The following IFT74 variants were observed in gnomAD, a reference collection of about 807,000 sequenced individuals.
The protein encoded by IFT74 is intraflagellar transport protein 74 homolog.
A neutral mutation model predicts 96.7 loss-of-function variants in IFT74; 92 were observed. The ratio of observed to expected loss-of-function variants is 0.95; its 90% CI spans 0.80 to 1.13. IFT74 has a LOEUF of 1.13. Among genes scored for constraint, IFT74 ranks in the 50% most tolerant of loss-of-function variants. IFT74 has a pLI of 0.00. For missense variants in IFT74, 811 were observed against 698.2 expected (o/e 1.16, Z -1.82); for synonymous variants, 223 against 213.2 (o/e 1.05, Z -0.40).
chr9:26,999,599 A>G, intron 8 of IFT74: 1 of 1,534,592 alleles, frequency 6.5e-7, no homozygotes, highest in East Asian at 2.3e-5. Context: ...TACTATTTTG[A>G]TTGTAAAAAC....
chr9:26,967,083 T>G (rs1826655403), intron 2 of IFT74, among the ~76,000 whole-genome samples: 1 of 151,918 alleles, frequency 6.6e-6, no homozygotes, highest in Non-Finnish European at 1.5e-5. Flanking sequence ...CTATCCTAGA[T>G]CTTTTATGGT....
In IFT74 at chr9:27,064,745, G is replaced by GT. The variant is rs933519026; in HGVS notation, c.*2018dup. Among the ~76,000 whole-genome samples the GT allele has an allele frequency of 4.4e-4, 67 of 150,900 alleles. No individual in the cohort carries two copies. In the East Asian group the frequency reaches 6.2e-3, roughly 14 times the overall value. ...TTAAATGCCTTTACTTTTTCCTTAG[G>GT]TTTTTTTTTATGATTTCTACTTAAG... On this transcript the variant is annotated 3_prime_UTR_variant, in exon 20 of 20. Transcript: ENST00000380062.
At chr9:27,002,451 C>G (rs938625863) in intron 8 of IFT74, among the ~76,000 whole-genome samples, 1 of 152,198 alleles carries the variant, frequency 6.6e-6, no homozygotes, top group Non-Finnish European at 1.5e-5. Flanking sequence ...GTCTTTAATC[C>G]ATTTTTATTC....
At chr9:27,046,958 T>G (rs1485668070) in intron 14 of IFT74, among the ~76,000 whole-genome samples, 1 of 152,080 alleles carries the variant, frequency 6.6e-6, no homozygotes, top group East Asian at 1.9e-4. Context: ...GTGGATCACG[T>G]GGTTAAGAGA....
intron 17 of IFT74, 100 bp downstream of exon 17, chr9:27,055,872 GATT>G: frequency 2.8e-6 from 2 of 715,290 alleles, no homozygotes; most frequent in Middle Eastern, 4.3e-4. Flanking sequence ...ATTTTAAGTT[GATT>G]ATTTTATATA....
Position 27,048,160 on chromosome 9 carries a change from A to G in IFT74, c.1219A>G (p.Ile407Val). Reference protein sequence around the residue: ...LEHCSRNINRIEQISSITNQE... With the variant: ...LEHCSRNINRVEQISSITNQE... ...TCTGCAAATGCAGAATATAAATCGT[A>G]TAGAACAGATATCCTCTATCACCAA... is the stretch of plus-strand genomic sequence containing the variant. The change falls in exon 16 of 20, where the codon ATA (isoleucine) becomes GTA (valine). Residue 407 changes from isoleucine (I) to valine (V), a missense_variant. Physicochemically the swap from Ile to Val is conservative, Grantham distance 29. Coordinates refer to ENST00000380062, the MANE Select transcript of IFT74 (RefSeq NM_025103.4). 6.3e-7 allele frequency: 1 copy of G among 1,590,026 alleles called. No homozygotes were observed. Among genetic ancestry groups the G allele is most frequent in the East Asian group, 2.3e-5 (1 of 44,386 alleles).
chr9:26,947,368 C>A (rs1563925382), intron 1 of IFT74: 2 of 298,098 alleles, frequency 6.7e-6, no homozygotes, highest in African/African-American at 2.2e-5. Flanking sequence ...CCCTGCTGAG[C>A]AAGAGAGAAA....
intron 2 of IFT74, 113 bp downstream of exon 2, chr9:26,962,200 G>C: frequency 2.1e-6 from 2 of 941,992 alleles, no homozygotes; most frequent in Non-Finnish European, 3.2e-6. Context: ...CCCAGTTTTT[G>C]AGTTTTTGAG....
chr9:26,980,463 A>G, intron 3 of IFT74, 108 bp from the exon 4 acceptor site: 5 of 750,406 alleles, frequency 6.7e-6, no homozygotes, highest in East Asian at 2.6e-5. Flanking sequence ...TGGGGCATTC[A>G]TGAAGACTGT....
Position 27,064,055 on chromosome 9 carries a change from A to G in IFT74, c.*1319A>G, listed in dbSNP as rs187773186. Among the ~76,000 whole-genome samples, 32 of 152,268 alleles carry G rather than the reference A, an allele frequency of 2.1e-4. No individual in the cohort carries two copies. The East Asian group carries it at 5.6e-3, about 27-fold the overall frequency. ...TTTTCTTGACTGCTCATAACCCTTA[A>G]TATGCTAATGTATAATAAGCTCAAG... is the stretch of plus-strand genomic sequence containing the variant. On this transcript the variant is annotated 3_prime_UTR_variant, in exon 20 of 20. Transcript: ENST00000380062.
intron 14 of IFT74, among the ~76,000 whole-genome samples, chr9:27,045,622 T>C (rs1317019843): frequency 2.0e-5 from 3 of 152,208 alleles, no homozygotes; most frequent in African/African-American, 4.8e-5. Flanking sequence ...CTTAAACCTA[T>C]ACATTTATAA....
At chr9:27,019,750 A>G (rs1369645896) in intron 12 of IFT74, among the ~76,000 whole-genome samples, 3 of 151,592 alleles carry the variant, frequency 2.0e-5, no homozygotes, top group African/African-American at 4.8e-5. Context: ...TCCATGTACA[A>G]GTTTTTGTGT....
intron 8 of IFT74, among the ~76,000 whole-genome samples, chr9:26,990,703 T>C (rs1412443753): frequency 6.6e-6 from 1 of 152,214 alleles, no homozygotes; most frequent in Non-Finnish European, 1.5e-5. Context: ...ATAACGTAAT[T>C]GTGGCAGTGG....
chr9:27,023,291 G>A (rs1331837130), intron 12 of IFT74, among the ~76,000 whole-genome samples: 1 of 152,084 alleles, frequency 6.6e-6, no homozygotes, highest in Admixed American at 6.5e-5. Flanking sequence ...TGTTGGCTGT[G>A]GGTTTGTCAT....
Position 27,062,711 on chromosome 9 carries a change from C to A in IFT74, c.1778C>A (p.Ala593Asp). The A allele has an allele frequency of 6.3e-7, 1 of 1,594,700 alleles. No homozygotes were observed. Residue 593 changes from alanine (A) to aspartate (D), a missense_variant, in exon 20 of 20, where the codon GCT becomes GAT. Transcript: ENST00000380062. ...IAEYNKTIVD[A>D]LHSTSGN ...GAGTACAATAAAACCATCGTGGATG[C>A]TTTACATAGCACCAGCGGAAACTGA...
At chr9:26,979,203 A>T (rs1418182334) in intron 3 of IFT74, among the ~76,000 whole-genome samples, 1 of 151,942 alleles carries the variant, frequency 6.6e-6, no homozygotes, top group African/African-American at 2.4e-5. Flanking sequence ...ATAACATCTA[A>T]ATCACTAAAT....
At chr9:26,996,561 A>C in intron 8 of IFT74, 6 of 1,148,236 alleles carry the variant, frequency 5.2e-6, no homozygotes, top group Non-Finnish European at 5.7e-6. Context: ...AACATTTTAT[A>C]ATTGTTTTAT....
chr9:26,974,094 C>T (rs1054464607), intron 2 of IFT74, among the ~76,000 whole-genome samples: 1 of 152,166 alleles, frequency 6.6e-6, no homozygotes, highest in Non-Finnish European at 1.5e-5. Flanking sequence ...AGGCCCAGAT[C>T]CTCTAATTGG....
intron 8 of IFT74, chr9:26,995,310 A>T (rs184325326): frequency 6.4e-6 from 3 of 468,024 alleles, no homozygotes; most frequent in South Asian, 5.0e-5. Context: ...ATTGTAGACT[A>T]TGTAACTGTC....
Sources: gnomAD v4.1 joint callset for allele counts (sites outside exome capture counted in the v4.1 genomes callset) on GRCh38, gnomAD v4.1.1 for gene constraint, MANE v1.5 for transcripts, NCBI Gene and HGNC (gene_info 2026-07-23, HGNC 2026-07-21) for gene names.